The following ERC2 variants were observed in gnomAD, a reference collection of about 807,000 sequenced individuals.
The protein encoded by ERC2 is ELKS/RAB6-interacting/CAST family member 2.
Under a neutral mutation model 114.8 loss-of-function variants are expected in ERC2, and 42 were observed. The ratio of observed to expected loss-of-function variants is 0.37; its 90% CI spans 0.29 to 0.47. The LOEUF (loss-of-function observed/expected upper bound fraction) is 0.47, where lower values mean the gene tolerates loss of function less well. Ranked by LOEUF, ERC2 falls within the 20% of genes least tolerant of loss-of-function variation. ERC2 has a pLI of 0.99. For synonymous variants in ERC2, 454 were observed against 425.5 expected, an observed-to-expected ratio of 1.07 and a Z score of -0.82; for missense variants, 939 against 1,150.7, an observed-to-expected ratio of 0.82 and a Z score of 2.66.
At position 55,952,175 on chromosome 3, in the gene ERC2, ACACACTCTCTCTCTCT is replaced by A. The variant is rs1307420102; in HGVS notation, c.2268-1631_2268-1616del. Among the ~76,000 whole-genome samples, 315 of 63,320 alleles carry A rather than the reference ACACACTCTCTCTCTCT, an allele frequency of 5.0e-3. 15 individuals are homozygous for A. The highest frequency in any genetic ancestry group is 6.8e-3 in the Non-Finnish European group (210 of 31,068). The allele number at this position is 63,320 out of a possible 152,430, so 41.5% of individuals were successfully genotyped here. ...CACACACACACACACACACACACAC[ACACACTCTCTCTCTCT>A]CTCTCTCTATATATATATATATATA... On this transcript the variant is annotated intron_variant, in intron 12 of 17. Transcript: ENST00000288221.
At chr3:56,467,975 G>T (rs1577096804) in intron 1 of ERC2, among the ~76,000 whole-genome samples, 1 of 152,082 alleles carries the variant, frequency 6.6e-6, no homozygotes, top group East Asian at 2.0e-4. Flanking sequence ...GGCAGCCGGG[G>T]CTAGCGAGCG....
intron 15 of ERC2, among the ~76,000 whole-genome samples, chr3:55,714,991 G>C (rs2064028116): frequency 2.6e-5 from 4 of 152,048 alleles, no homozygotes; most frequent in Admixed American, 2.6e-4. Flanking sequence ...TTGGAGAATT[G>C]AGACTCCTGT....
At chr3:56,121,351 T>C (rs2079563253) in intron 6 of ERC2, among the ~76,000 whole-genome samples, 1 of 152,182 alleles carries the variant, frequency 6.6e-6, no homozygotes, top group Non-Finnish European at 1.5e-5. Flanking sequence ...ATTAGCAAAA[T>C]GTATAATTGT....
intron 3 of ERC2, among the ~76,000 whole-genome samples, chr3:56,279,209 T>C (rs764681388): frequency 2.0e-5 from 3 of 152,284 alleles, no homozygotes; most frequent in South Asian, 2.1e-4. Context: ...CCTAACAGTT[T>C]TGGGTTTTTA....
Position 56,124,029 on chromosome 3 carries a change from A to G in ERC2, c.1473+15480T>C, listed in dbSNP as rs72870118. On this transcript the variant is annotated intron_variant, in intron 6 of 17. Transcript: ENST00000288221. ...TTTGCACATATGAAAGTTTTATAAA[A>G]TAAGAAAGCCTATCAGAATCAGGAA... Among the ~76,000 whole-genome samples the G allele has an allele frequency of 5.2e-3, 789 of 152,324 alleles. 8 individuals carry two copies. Among genetic ancestry groups the G allele is most frequent in the African/African-American group, 0.018 (762 of 41,576 alleles).
chr3:55,741,257 A>C (rs1006977433), intron 14 of ERC2, among the ~76,000 whole-genome samples: 3 of 152,116 alleles, frequency 2.0e-5, no homozygotes, highest in African/African-American at 7.2e-5. Flanking sequence ...CAAGAAAATC[A>C]CATTGAAATA....
Position 56,007,278 on chromosome 3 carries a change from G to A in ERC2, c.1964C>T (p.Ser655Phe). ...DLKEHASSLA[S>F]AGLKRDSKLK... ...TTTGGAATCCCTTTTCAGCCCCGCA[G>A]AGGCTAATGAAGATGCATGTTCTTT... The change falls in exon 10 of 18, where the codon TCT becomes TTT. Residue 655 changes from serine to phenylalanine, a missense_variant. Coordinates refer to ENST00000288221, the MANE Select transcript of ERC2 (RefSeq NM_015576.3). The A allele has an allele frequency of 6.3e-7, 1 of 1,598,576 alleles. No individual in the cohort carries two copies. Among genetic ancestry groups the A allele is most frequent in the Non-Finnish European group, 8.5e-7 (1 of 1,171,726 alleles).
In ERC2 at chr3:56,292,629, A is replaced by G. The variant is rs189344579; in HGVS notation, c.1074+3390T>C. ...AAAAAAAAGAAAAGAAAAGGGACAT[A>G]GTAAAATGGTTTAAGAGCTGAGACT... On this transcript the variant is annotated intron_variant, in intron 3 of 17. Coordinates refer to ENST00000288221, the MANE Select transcript of ERC2 (RefSeq NM_015576.3). 2.0e-5 allele frequency among the ~76,000 whole-genome samples: 3 copies of G among 152,070 alleles called. No homozygotes were observed. In the East Asian group the frequency reaches 5.8e-4, roughly 29 times the overall value.
chr3:55,812,793 A>T (rs2059768838), intron 14 of ERC2, among the ~76,000 whole-genome samples: 1 of 152,266 alleles, frequency 6.6e-6, no homozygotes, highest in Non-Finnish European at 1.5e-5. Context: ...ACATAATGTT[A>T]TAATTAATCT....
intron 17 of ERC2, among the ~76,000 whole-genome samples, chr3:55,518,741 T>C (rs2052702469): frequency 1.3e-5 from 2 of 152,256 alleles, no homozygotes; most frequent in East Asian, 1.9e-4. Flanking sequence ...CAATGATGTA[T>C]GCAGTGTGTA....
At chr3:55,929,147 A>T (rs2065924898) in intron 13 of ERC2, among the ~76,000 whole-genome samples, 1 of 151,972 alleles carries the variant, frequency 6.6e-6, no homozygotes, top group Non-Finnish European at 1.5e-5. Context: ...TTTTCTATCT[A>T]CTGATTGCTG....
chr3:55,869,700 G>C (rs2062486781), intron 14 of ERC2, among the ~76,000 whole-genome samples: 1 of 152,062 alleles, frequency 6.6e-6, no homozygotes, highest in African/African-American at 2.4e-5. Flanking sequence ...ATAATTACCA[G>C]CTTATCCCAC....
chr3:55,745,879 AGTGAGGTTAT>A (rs1318884856), intron 14 of ERC2, among the ~76,000 whole-genome samples: 2 of 152,178 alleles, frequency 1.3e-5, no homozygotes, highest in South Asian at 4.1e-4. Flanking sequence ...TTATTGGTGA[AGTGAGGTTAT>A]GTGTGTGTAT....
Position 56,033,019 on chromosome 3 carries a change from GAAA to G in ERC2, c.1642-13991_1642-13989del, listed in dbSNP as rs60290208. ...AGAAAGAAAGAAAGAAAGAAAGAAA[GAAA>G]AAAGAAACAGAAAGAAAGAAAGAAA... On this transcript the variant is annotated intron_variant, in intron 7 of 17. Coordinates refer to ENST00000288221, the MANE Select transcript of ERC2 (RefSeq NM_015576.3). Among the ~76,000 whole-genome samples the G allele has an allele frequency of 5.1e-3, 461 of 90,314 alleles. 2 individuals are homozygous for G. Among genetic ancestry groups the G allele is most frequent in the Admixed American group, 8.0e-3 (70 of 8,758 alleles). 59.2% of individuals were successfully genotyped at this position (90,314 alleles called of 152,430 possible).
chr3:55,913,838 T>C lies in ERC2; in HGVS notation c.2404-25289A>G, dbSNP rs182202416. ...ATGCAGTGATGAGCAAGCCTCAGTA[T>C]TCACTCTTTACATGGTTCTAGCTAA... is the stretch of plus-strand genomic sequence containing the variant. On this transcript the variant is annotated intron_variant, in intron 13 of 17. Coordinates refer to ENST00000288221, the MANE Select transcript of ERC2 (RefSeq NM_015576.3). 6.8e-3 allele frequency among the ~76,000 whole-genome samples: 1,040 copies of C among 152,296 alleles called. 7 individuals are homozygous for C. The highest frequency in any genetic ancestry group is 0.024 in the Middle Eastern group (7 of 294).
At chr3:55,573,171 C>T (rs150990159) in intron 17 of ERC2, among the ~76,000 whole-genome samples, 2 of 152,290 alleles carry the variant, frequency 1.3e-5, no homozygotes, top group African/African-American at 2.4e-5. Context: ...AGAAAGATGT[C>T]GGTAAGAAAT....
chr3:56,000,419 A>G (rs1456412879), intron 10 of ERC2, among the ~76,000 whole-genome samples: 1 of 152,154 alleles, frequency 6.6e-6, no homozygotes, highest in Non-Finnish European at 1.5e-5. Flanking sequence ...CAAAAATTCT[A>G]TATAAAACAC....
intron 3 of ERC2, among the ~76,000 whole-genome samples, chr3:56,221,791 C>A (rs1405636687): frequency 6.6e-6 from 1 of 152,102 alleles, no homozygotes; most frequent in Non-Finnish European, 1.5e-5. Flanking sequence ...GTAGTCCCAG[C>A]TCCTTGGGAG....
chr3:56,331,324 C>T (rs945469577), intron 2 of ERC2, among the ~76,000 whole-genome samples: 1 of 152,114 alleles, frequency 6.6e-6, no homozygotes, highest in African/African-American at 2.4e-5. Flanking sequence ...CTCTTGAAGT[C>T]TCCTCATAGT....
Sources: allele counts gnomAD v4.1 joint callset (sites outside exome capture counted in the v4.1 genomes callset), GRCh38; gene constraint gnomAD v4.1.1; transcripts MANE v1.5; gene names NCBI Gene and HGNC (gene_info 2026-07-23, HGNC 2026-07-21).